FAM227B: variants seen among roughly 807,000 people sequenced by gnomAD.
FAM227B encodes family with sequence similarity 227 member B.
Under a neutral mutation model 73.8 loss-of-function variants are expected in FAM227B, and 88 were observed. The ratio of observed to expected loss-of-function variants is 1.19; its 90% CI spans 1.00 to 1.42. The LOEUF is 1.42. FAM227B is among the 40% of genes most tolerant of loss of function. The pLI is 0.00. For synonymous variants in FAM227B, 210 were observed against 190.5 expected (o/e 1.10, Z -0.84); for missense variants, 632 against 590.9 (o/e 1.07, Z -0.72).
intron 11 of FAM227B, among the ~76,000 whole-genome samples, chr15:49,477,492 T>G (rs1406594616): frequency 1.3e-5 from 2 of 152,248 alleles, no homozygotes; most frequent in Non-Finnish European, 2.9e-5. Context: ...GTTCCCCTTG[T>G]CTTTTTGTGG....
intron 11 of FAM227B, among the ~76,000 whole-genome samples, chr15:49,481,428 G>A (rs1055759397): frequency 2.0e-5 from 3 of 152,162 alleles, no homozygotes; most frequent in Non-Finnish European, 2.9e-5. Flanking sequence ...TGAAGTTGTA[G>A]TTACCAAATA....
chr15:49,578,919 A>T (rs1438142926), intron 5 of FAM227B, among the ~76,000 whole-genome samples: 1 of 152,204 alleles, frequency 6.6e-6, no homozygotes, highest in African/African-American at 2.4e-5. Flanking sequence ...ACAAGAGACA[A>T]ATATCTAGAA....
chr15:49,419,978 GATA>G (rs2049486405), intron 11 of FAM227B, among the ~76,000 whole-genome samples: 1 of 152,014 alleles, frequency 6.6e-6, no homozygotes, highest in South Asian at 2.1e-4. Context: ...AAATGCAAAG[GATA>G]ACTACAATTT....
chr15:49,501,794 C>A (rs2058157871), intron 11 of FAM227B, among the ~76,000 whole-genome samples: 2 of 152,312 alleles, frequency 1.3e-5, no homozygotes, highest in South Asian at 4.1e-4. Context: ...ATCTAAGACA[C>A]AGGTCCTCTA....
At chr15:49,601,403 CT>C (rs2077199365) in intron 3 of FAM227B, among the ~76,000 whole-genome samples, 1 of 152,008 alleles carries the variant, frequency 6.6e-6, no homozygotes, top group African/African-American at 2.4e-5. Flanking sequence ...AAACTCTACA[CT>C]TTAACTCCCA....
chr15:49,585,741 TA>T (rs1226787973), intron 5 of FAM227B, among the ~76,000 whole-genome samples: 3 of 152,126 alleles, frequency 2.0e-5, no homozygotes, highest in African/African-American at 7.2e-5. Flanking sequence ...TACCTAATGC[TA>T]AATGACGAGT....
chr15:49,597,412 T>C (rs2076947063), intron 3 of FAM227B, among the ~76,000 whole-genome samples: 1 of 151,928 alleles, frequency 6.6e-6, no homozygotes, highest in Non-Finnish European at 1.5e-5. Context: ...ATTTAAAAAT[T>C]GAACTGAACA....
At chr15:49,450,695 A>G (rs560393357) in intron 11 of FAM227B, among the ~76,000 whole-genome samples, 4 of 152,256 alleles carry the variant, frequency 2.6e-5, no homozygotes, top group African/African-American at 9.6e-5. Context: ...TGATTCCCAC[A>G]TCACAGGTTT....
intron 15 of FAM227B, 152 bp from the exon 16 acceptor site, chr15:49,328,827 T>G (rs2151120016): frequency 7.1e-7 from 1 of 1,410,028 alleles, no homozygotes; most frequent in South Asian, 1.7e-5. Context: ...TCAGACTCAT[T>G]TGAATATTTG....
intron 11 of FAM227B, among the ~76,000 whole-genome samples, chr15:49,376,285 G>A (rs1052483243): frequency 6.6e-6 from 1 of 151,826 alleles, no homozygotes; most frequent in Admixed American, 6.6e-5. Flanking sequence ...AATCCATTTT[G>A]AGTTAAATTT....
intron 11 of FAM227B, among the ~76,000 whole-genome samples, chr15:49,493,474 AG>A (rs1156937177): frequency 1.3e-5 from 2 of 151,982 alleles, no homozygotes; most frequent in African/African-American, 4.8e-5. Context: ...TCTATCATCC[AG>A]AATGTCTCAA....
At chr15:49,335,932 G>T (rs2039632216) in intron 13 of FAM227B, among the ~76,000 whole-genome samples, 1 of 152,188 alleles carries the variant, frequency 6.6e-6, no homozygotes, top group East Asian at 1.9e-4. Flanking sequence ...AGTTCACTGT[G>T]ACCTCAAACT....
intron 11 of FAM227B, among the ~76,000 whole-genome samples, chr15:49,420,321 C>T (rs990936640): frequency 4.6e-5 from 7 of 151,772 alleles, no homozygotes; most frequent in African/African-American, 7.3e-5. Context: ...TATACCCATT[C>T]GGTGGAATAC....
In FAM227B at chr15:49,601,496, A is replaced by G. The variant is rs114248444; in HGVS notation, c.105+9719T>C. 8.1e-3 allele frequency among the ~76,000 whole-genome samples: 1,234 copies of G among 152,246 alleles called. 20 individuals are homozygous for G. Among genetic ancestry groups the G allele is most frequent in the African/African-American group, 0.029 (1,196 of 41,536 alleles). ...CATTATCAAATTATTGTAATAATTTAATTTTAATTTTTGTGGGTGCATGGT... is the reference window on the plus strand; with the variant it reads ...CATTATCAAATTATTGTAATAATTTGATTTTAATTTTTGTGGGTGCATGGT... On this transcript the variant is annotated intron_variant, in intron 3 of 15. Coordinates refer to ENST00000299338, the MANE Select transcript of FAM227B (RefSeq NM_152647.3).
At chr15:49,609,823 G>A (rs1280983703) in intron 3 of FAM227B, among the ~76,000 whole-genome samples, 2 of 151,772 alleles carry the variant, frequency 1.3e-5, no homozygotes, top group Non-Finnish European at 3.0e-5. Flanking sequence ...GTATTTGGTT[G>A]GGAAATTCAG....
chr15:49,499,544 A>T (rs1290505586), intron 11 of FAM227B, among the ~76,000 whole-genome samples: 2 of 152,212 alleles, frequency 1.3e-5, no homozygotes, highest in East Asian at 1.9e-4. Flanking sequence ...ACTGACTAGC[A>T]GTTTTTCAAA....
chr15:49,515,796 G>A (rs2059337508), intron 10 of FAM227B, among the ~76,000 whole-genome samples: 1 of 152,086 alleles, frequency 6.6e-6, no homozygotes, highest in Non-Finnish European at 1.5e-5. Flanking sequence ...TTCTCTTTGT[G>A]CCTTCTTCTC....
At chr15:49,549,620 A>G (rs571309884) in intron 9 of FAM227B, among the ~76,000 whole-genome samples, 2 of 151,892 alleles carry the variant, frequency 1.3e-5, no homozygotes, top group South Asian at 2.1e-4. Context: ...GACACAGCAC[A>G]TGATTCCGAG....
At chr15:49,489,806 T>A (rs2056755807) in intron 11 of FAM227B, among the ~76,000 whole-genome samples, 1 of 36,658 alleles carries the variant, frequency 2.7e-5, no homozygotes, top group African/African-American at 1.0e-4. Flanking sequence ...ATATATTTTA[T>A]ATATATATAT....
Sources: allele counts gnomAD v4.1 joint callset (sites outside exome capture counted in the v4.1 genomes callset), GRCh38; gene constraint gnomAD v4.1.1; transcripts MANE v1.5; gene names NCBI Gene and HGNC (gene_info 2026-07-23, HGNC 2026-07-21).